FYB1: variants seen among roughly 807,000 people sequenced by gnomAD.
FYB1 encodes FYN binding protein 1, also known as FYN-binding protein 1.
In FYB1, 41 loss-of-function variants were observed where a neutral mutation model predicts 94.1. The ratio of observed to expected loss-of-function variants is 0.44; its 90% confidence interval spans 0.34 to 0.57. The LOEUF is 0.57. FYB1 is among the 20% of genes least tolerant of loss of function. The probability of loss-of-function intolerance (pLI) is 0.02; values close to 1 mark genes in which losing one functional copy is unlikely to be tolerated. For synonymous variants in FYB1, 367 were observed against 353.2 expected (o/e 1.04, Z -0.44); for missense variants, 1,050 against 976.8 (o/e 1.07, Z -1.00).
At chr5:39,130,250 G>A (rs1741071944) in intron 10 of FYB1, among the ~76,000 whole-genome samples, 1 of 152,058 alleles carries the variant, frequency 6.6e-6, no homozygotes, top group African/African-American at 2.4e-5. Flanking sequence ...CAGAGGCTGA[G>A]AGGGATGTAA....
chr5:39,111,084 G>A (rs1561120625), intron 16 of FYB1, among the ~76,000 whole-genome samples: 1 of 151,948 alleles, frequency 6.6e-6, no homozygotes, highest in Non-Finnish European at 1.5e-5. Flanking sequence ...ATGCAAGAAA[G>A]CTAAGTTTTG....
At chr5:39,246,887 C>G (rs555173792) in intron 1 of FYB1, among the ~76,000 whole-genome samples, 36 of 151,884 alleles carry the variant, frequency 2.4e-4, no homozygotes, top group African/African-American at 8.7e-4. Context: ...GGCTTTGGAG[C>G]CAGGCTGCCT....
rs1760333308 is a variant in FYB1, at chr5:39,105,670, T to C, written c.*1773A>G. The C allele has an allele frequency of 6.6e-6, 1 of 152,106 alleles. No individual in the cohort carries two copies. The highest frequency in any genetic ancestry group is 2.1e-4 in the South Asian group (1 of 4,824). The allele number at this position is 152,106 out of a possible 1,614,324, so 9.4% of individuals were successfully genotyped here. A position where few individuals can be genotyped will look rare whatever the true frequency, so the allele number is the denominator to read the frequency against. On this transcript the variant is annotated 3_prime_UTR_variant, in exon 19 of 19. Transcript: ENST00000512982. ...GCCAAAAACTTCAGCATAAAAACTA[T>C]CCTGTCTGTGTATTATATATATTTA...
At chr5:39,161,412 C>A (rs1038392795) in intron 2 of FYB1, among the ~76,000 whole-genome samples, 1 of 152,124 alleles carries the variant, frequency 6.6e-6, no homozygotes, top group Non-Finnish European at 1.5e-5. Context: ...CCCCCATAGT[C>A]TAGTTACAAG....
chr5:39,147,375 C>A (rs1742751757), intron 3 of FYB1, among the ~76,000 whole-genome samples: 1 of 151,258 alleles, frequency 6.6e-6, no homozygotes, highest in Non-Finnish European at 1.5e-5. Flanking sequence ...GCTCGGGGAT[C>A]CTCCTACCAC....
At position 39,202,728 on chromosome 5, in the gene FYB1, G is replaced by A. The variant is rs773327830; in HGVS notation, c.233C>T (p.Pro78Leu). The A allele has an allele frequency of 1.5e-5, 25 of 1,613,812 alleles. No homozygotes were observed. Among genetic ancestry groups the A allele is most frequent in the Non-Finnish European group, 2.0e-5 (24 of 1,179,872 alleles). ...AGTGGGCTTTAGAAACGGGGGCTTG[G>A]GTTCCTTGTCAGGCTTTTCCTCAGA... Reference protein sequence around the residue: ...PSSEEKPDKEPKPPFLKPTGA... With the variant: ...PSSEEKPDKELKPPFLKPTGA... Residue 78 changes from proline (P) to leucine (L), a missense_variant, in exon 2 of 19, where the codon CCC (proline) becomes CTC (leucine). Coordinates refer to ENST00000512982, the MANE Select transcript of FYB1 (RefSeq NM_001465.6).
intron 13 of FYB1, among the ~76,000 whole-genome samples, 180 bp from the exon 14 acceptor site, chr5:39,122,582 G>A (rs1279491253): frequency 1.3e-5 from 2 of 152,006 alleles, no homozygotes; most frequent in African/African-American, 2.4e-5. Flanking sequence ...GTTATTATTT[G>A]CCAGGATGCA....
chr5:39,237,673 T>C (rs1452633239), intron 1 of FYB1, among the ~76,000 whole-genome samples: 7 of 152,148 alleles, frequency 4.6e-5, no homozygotes, highest in African/African-American at 1.7e-4. Flanking sequence ...TGAGAGATAC[T>C]GATGATGGCA....
chr5:39,113,685 G>A (rs938058761), intron 16 of FYB1, among the ~76,000 whole-genome samples: 19 of 131,540 alleles, frequency 1.4e-4, no homozygotes, highest in African/African-American at 5.6e-4. Context: ...TAATAAAAAT[G>A]ACAACATACT....
intron 2 of FYB1, among the ~76,000 whole-genome samples, chr5:39,183,201 G>C (rs1170503463): frequency 6.6e-6 from 1 of 152,020 alleles, no homozygotes. Flanking sequence ...GGTCAGGCTG[G>C]TCTCGAACTC....
chr5:39,246,062 T>C (rs1471104704), intron 1 of FYB1, among the ~76,000 whole-genome samples: 1 of 152,226 alleles, frequency 6.6e-6, no homozygotes, highest in Non-Finnish European at 1.5e-5. Context: ...AAAGAAAGTC[T>C]GCTTTTTTCT....
At position 39,219,546 on chromosome 5, in the gene FYB1, G is replaced by A. The variant is rs1490392002; in HGVS notation, c.-131C>T. 7.1e-6 allele frequency: 7 copies of A among 985,346 alleles called. No homozygotes were observed. Among genetic ancestry groups the A allele is most frequent in the Non-Finnish European group, 8.4e-6 (7 of 829,956 alleles). 61.0% of individuals were successfully genotyped at this position (985,346 alleles called of 1,614,324 possible). On this transcript the variant is annotated 5_prime_UTR_variant, in exon 1 of 19. Coordinates refer to ENST00000512982, the MANE Select transcript of FYB1 (RefSeq NM_001465.6). The stretch of plus-strand genomic sequence containing the variant: ...TCTAGCTGTCGCATCTGCTCTGCAT[G>A]TGGAACTCAAGAACTGCGGAGCTTT...
intron 16 of FYB1, among the ~76,000 whole-genome samples, chr5:39,113,794 A>G (rs1042407314): frequency 6.6e-6 from 1 of 152,146 alleles, no homozygotes; most frequent in Admixed American, 6.6e-5. Context: ...CATATTGCAT[A>G]GATTTACCTA....
chr5:39,182,578 G>C (rs1294999718), intron 2 of FYB1, among the ~76,000 whole-genome samples: 1 of 152,152 alleles, frequency 6.6e-6, no homozygotes, highest in Non-Finnish European at 1.5e-5. Context: ...TACGATTTGG[G>C]AAGGCAGAGC....
intron 1 of FYB1, among the ~76,000 whole-genome samples, chr5:39,252,924 C>T (rs1037017129): frequency 2.6e-5 from 4 of 152,192 alleles, no homozygotes; most frequent in African/African-American, 9.6e-5. Flanking sequence ...ACAACTGTGT[C>T]TGGCATAGGG....
chr5:39,218,588 GT>G (rs1346199843), intron 1 of FYB1, among the ~76,000 whole-genome samples: 2 of 152,130 alleles, frequency 1.3e-5, no homozygotes, highest in Non-Finnish European at 2.9e-5. Flanking sequence ...AGTGTATATA[GT>G]TTTATCCCCT....
chr5:39,228,343 A>T (rs973220450), intron 1 of FYB1, among the ~76,000 whole-genome samples: 1 of 152,224 alleles, frequency 6.6e-6, no homozygotes, highest in African/African-American at 2.4e-5. Flanking sequence ...TTAAGCAAAG[A>T]TGACAAAATC....
chr5:39,153,825 G>T (rs1260481545), intron 2 of FYB1, among the ~76,000 whole-genome samples: 8 of 152,074 alleles, frequency 5.3e-5, no homozygotes, highest in Admixed American at 2.0e-4. Flanking sequence ...CCAGGCTGGG[G>T]TGCAGTGGCT....
chr5:39,247,040 A>G (rs1449946132), intron 1 of FYB1, among the ~76,000 whole-genome samples: 3 of 145,652 alleles, frequency 2.1e-5, no homozygotes, highest in Non-Finnish European at 4.5e-5. Flanking sequence ...TAAAGCCCAT[A>G]AGATAATGGT....
Sources: gnomAD v4.1 joint callset for allele counts (sites outside exome capture counted in the v4.1 genomes callset) on GRCh38, gnomAD v4.1.1 for gene constraint, MANE v1.5 for transcripts, NCBI Gene and HGNC (gene_info 2026-07-23, HGNC 2026-07-21) for gene names.